Variants in SEC14L3 observed in about 807,000 individuals in gnomAD.
SEC14L3 encodes SEC14 like lipid binding 3.
In SEC14L3, 56 loss-of-function variants were observed where a neutral mutation model predicts 57.4. The observed-to-expected ratio is 0.97, with a 90% CI of 0.79 to 1.22. The LOEUF (loss-of-function observed/expected upper bound fraction) is 1.22, where lower values mean the gene tolerates loss of function less well. SEC14L3 is among the 50% of genes most tolerant of loss of function. The pLI is 0.00. For missense variants in SEC14L3, 485 were observed against 511.7 expected (o/e 0.95, Z 0.50); for synonymous variants, 173 against 194.4 (o/e 0.89, Z 0.92).
intron 12 of SEC14L3, among the ~76,000 whole-genome samples, chr22:30,449,497 G>A (rs1003059127): frequency 6.6e-6 from 1 of 151,856 alleles, no homozygotes; most frequent in African/African-American, 2.4e-5. Flanking sequence ...AACTTAGCCA[G>A]TACCTGATTA....
downstream of SEC14L3, among the ~76,000 whole-genome samples, chr22:30,458,075 G>A (rs1935150561): frequency 6.6e-6 from 1 of 152,194 alleles, no homozygotes; most frequent in Non-Finnish European, 1.5e-5. Flanking sequence ...TCAGCCCTCC[G>A]TTTGTTTGTT....
At chr22:30,462,851 C>A (rs1418318058) in intron 8 of SEC14L3, among the ~76,000 whole-genome samples, 1 of 151,976 alleles carries the variant, frequency 6.6e-6, no homozygotes, top group Admixed American at 6.6e-5. Flanking sequence ...AGTTCTCTAC[C>A]TCAGCTTCTT....
downstream of SEC14L3, among the ~76,000 whole-genome samples, chr22:30,455,185 T>A (rs868384595): frequency 8.3e-6 from 1 of 120,214 alleles, no homozygotes; most frequent in Admixed American, 1.2e-4. Context: ...TATTTAATAT[T>A]TAATATATAA....
In SEC14L3 at chr22:30,461,482, G is replaced by T. The variant is rs528719361; in HGVS notation, c.912-3C>A. 1 of 1,613,434 alleles carries T rather than the reference G, an allele frequency of 6.2e-7. No individual in the cohort carries two copies. The highest frequency in any genetic ancestry group is 1.3e-5 in the African/African-American group (1 of 74,958). ...CACCATCAGATGAGAACTGCCACCT[G>T]TCAGGGGGAGGGGGAGGAGACAGGT... On this transcript the variant is annotated splice_region_variant and splice_polypyrimidine_tract_variant and intron_variant, in intron 10 of 11. Coordinates refer to ENST00000215812, the MANE Select transcript of SEC14L3 (RefSeq NM_174975.5).
Position 30,461,639 on chromosome 22 carries a change from G to C in SEC14L3, c.827C>G (p.Thr276Ser). Residue 276 changes from threonine (T) to serine (S), a missense_variant, in exon 10 of 12, where the codon ACT becomes AGT. Thr to Ser is a moderately conservative substitution (Grantham distance 58). Coordinates refer to ENST00000215812, the MANE Select transcript of SEC14L3 (RefSeq NM_174975.5). ...KSMYVRDQVK[T>S]QYEHSVQINR... is the part of the protein sequence containing the mutation. ...GATCTGCACCGAGTGCTCGTACTGA[G>C]TCTTCACCTGGTCCCGCACGTACAT... The C allele has an allele frequency of 6.2e-7, 1 of 1,613,990 alleles. No homozygotes were observed.
At chr22:30,468,984 A>C in intron 4 of SEC14L3, 2 of 1,413,884 alleles carry the variant, frequency 1.4e-6, no homozygotes, top group Non-Finnish European at 1.8e-6. Context: ...GGGTTTAGTG[A>C]TGGAGAACAC....
intron 1 of SEC14L3, 97 bp downstream of exon 1, chr22:30,471,808 C>A: frequency 6.5e-7 from 1 of 1,536,050 alleles, no homozygotes; most frequent in Non-Finnish European, 9.0e-7. Context: ...CAAGGACATG[C>A]TGAATCAACT....
Position 30,470,009 on chromosome 22 carries a change from G to T in SEC14L3, c.234+10C>A, listed in dbSNP as rs1179099043. 6.5e-7 allele frequency: 1 copy of T among 1,536,280 alleles called. No individual in the cohort carries two copies. Among genetic ancestry groups the T allele is most frequent in the South Asian group, 1.3e-5 (1 of 78,390 alleles). On this transcript the variant is annotated intron_variant, in intron 4 of 11. Coordinates refer to ENST00000215812, the MANE Select transcript of SEC14L3 (RefSeq NM_174975.5). Reference sequence around the variant, plus strand: ...GTGAAAGACTGAGGTGTTTGGCGGTGTTGGCTCACCTCTGGGGGCTGCCAA... The same window carrying T: ...GTGAAAGACTGAGGTGTTTGGCGGTTTTGGCTCACCTCTGGGGGCTGCCAA...
chr22:30,466,840 A>C, intron 6 of SEC14L3, 142 bp downstream of exon 6: 1 of 700,038 alleles, frequency 1.4e-6, no homozygotes, highest in Non-Finnish European at 2.4e-6. Flanking sequence ...GAAAGGTATT[A>C]AGGCCTTCTG....
At chr22:30,447,665 G>T (rs569077664), downstream of SEC14L3, among the ~76,000 whole-genome samples, 2 of 152,358 alleles carry the variant, frequency 1.3e-5, no homozygotes, top group East Asian at 3.9e-4. Flanking sequence ...CAGATGTTTG[G>T]TGGGGGATCT....
At chr22:30,454,162 C>G (rs1351606414) in intron 12 of SEC14L3, among the ~76,000 whole-genome samples, 1 of 152,140 alleles carries the variant, frequency 6.6e-6, no homozygotes, top group Non-Finnish European at 1.5e-5. Flanking sequence ...CCTTCCCAGC[C>G]TCCTGCAAGA....
chr22:30,467,974 C>A (rs1446644632), intron 5 of SEC14L3, among the ~76,000 whole-genome samples: 4 of 152,066 alleles, frequency 2.6e-5, no homozygotes, highest in African/African-American at 9.7e-5. Context: ...AGCAAAAAAA[C>A]CCATCAACCA....
At chr22:30,470,804 G>C (rs1358284671) in intron 1 of SEC14L3, 25 of 626,466 alleles carry the variant, frequency 4.0e-5, no homozygotes, top group Non-Finnish European at 4.8e-5. Flanking sequence ...AAGAAGAATA[G>C]ATGGGTGAGT....
chr22:30,457,588 G>A (rs1935141626), downstream of SEC14L3, among the ~76,000 whole-genome samples: 1 of 151,816 alleles, frequency 6.6e-6, no homozygotes, highest in Admixed American at 6.6e-5. Flanking sequence ...TCACCACATT[G>A]GCCAAGCTGG....
chr22:30,458,011 G>A (rs545650639), downstream of SEC14L3, among the ~76,000 whole-genome samples: 1 of 152,342 alleles, frequency 6.6e-6, no homozygotes, highest in Admixed American at 6.5e-5. Context: ...TGCTGCTGCT[G>A]AATATTTGCT....
chr22:30,461,419 C>G lies in SEC14L3; in HGVS notation c.972G>C (p.Met324Ile), dbSNP rs778546446. ...TCTCCCCTGCCCGCTGTCGCTCCCC[C>G]ATCTTGGTCTTCAGGAAAACTCCGA... ...IGFGVFLKTKMGERQRAGEMT... is the reference protein window; with the variant it reads ...IGFGVFLKTKIGERQRAGEMT... The change falls in exon 11 of 12, where the codon ATG (methionine) becomes ATC (isoleucine). Residue 324 changes from methionine (M) to isoleucine (I), a missense_variant. Met to Ile is a conservative substitution (Grantham distance 10). Coordinates refer to ENST00000215812, the MANE Select transcript of SEC14L3 (RefSeq NM_174975.5). 1.9e-6 allele frequency: 3 copies of G among 1,614,094 alleles called. No individual in the cohort carries two copies. Among genetic ancestry groups the G allele is most frequent in the Non-Finnish European group, 8.5e-7 (1 of 1,179,984 alleles).
At chr22:30,454,712 T>G (rs1278831236), downstream of SEC14L3, among the ~76,000 whole-genome samples, 1 of 87,452 alleles carries the variant, frequency 1.1e-5, no homozygotes, top group African/African-American at 5.3e-5. Flanking sequence ...TATATTATTA[T>G]ATATAATCTA....
intron 2 of SEC14L3, 88 bp downstream of exon 2, chr22:30,470,419 C>T: frequency 6.2e-7 from 1 of 1,605,004 alleles, no homozygotes; most frequent in Non-Finnish European, 8.5e-7. Context: ...GTGGATGGAC[C>T]CTGAGAGCCA....
At chr22:30,471,571 C>T (rs1447431940) in intron 1 of SEC14L3, among the ~76,000 whole-genome samples, 1 of 152,204 alleles carries the variant, frequency 6.6e-6, no homozygotes, top group Non-Finnish European at 1.5e-5. Context: ...TCTTTCAGCT[C>T]CTACCTATGG....
Sources: allele counts gnomAD v4.1 joint callset (sites outside exome capture counted in the v4.1 genomes callset), GRCh38; gene constraint gnomAD v4.1.1; transcripts MANE v1.5; gene names NCBI Gene and HGNC (gene_info 2026-07-23, HGNC 2026-07-21).